NFKB1: variants seen among roughly 807,000 people sequenced by gnomAD.
The protein encoded by NFKB1 is nuclear factor NF-kappa-B p105 subunit.
In NFKB1, 9 loss-of-function variants were observed where a neutral mutation model predicts 105.1. That is an observed-to-expected ratio of 0.09 (90% confidence interval 0.05 to 0.15). The LOEUF (loss-of-function observed/expected upper bound fraction) is 0.15, where lower values mean the gene tolerates loss of function less well. Ranked by LOEUF, NFKB1 falls within the 10% of genes least tolerant of loss-of-function variation. NFKB1 has a pLI of 1.00. For synonymous variants in NFKB1, 440 were observed against 442.2 expected (o/e 1.00, Z 0.06); for missense variants, 830 against 1,203.7 (o/e 0.69, Z 4.59).
At chr4:102,542,726 T>G (rs1159472202) in intron 5 of NFKB1, among the ~76,000 whole-genome samples, 5 of 152,244 alleles carry the variant, frequency 3.3e-5, no homozygotes, top group African/African-American at 1.2e-4. Context: ...TGCCATTGTA[T>G]AGGATGGCTC....
At chr4:102,576,823 A>T (rs950997819) in intron 6 of NFKB1, 53 bp from the exon 7 acceptor site, 7 of 1,550,612 alleles carry the variant, frequency 4.5e-6, no homozygotes, top group Middle Eastern at 1.7e-4. Context: ...CCTAGACATT[A>T]AGTGCCTAAC....
intron 11 of NFKB1, among the ~76,000 whole-genome samples, chr4:102,587,137 G>T (rs1725773797): frequency 6.6e-6 from 1 of 152,138 alleles, no homozygotes; most frequent in Non-Finnish European, 1.5e-5. Flanking sequence ...GGGGTGAAGG[G>T]CCCTGCCAGC....
chr4:102,560,598 G>A (rs949739330), intron 5 of NFKB1, among the ~76,000 whole-genome samples: 1 of 152,152 alleles, frequency 6.6e-6, no homozygotes, highest in African/African-American at 2.4e-5. Context: ...GCCATTAATA[G>A]TGGGTCAAAG....
intron 7 of NFKB1, 135 bp from the exon 8 acceptor site, chr4:102,578,746 A>G: frequency 1.2e-6 from 1 of 813,452 alleles, no homozygotes. Context: ...ACACTTTATT[A>G]GCAATATGAA....
intron 3 of NFKB1, 134 bp downstream of exon 3, chr4:102,530,048 C>A: frequency 1.6e-6 from 1 of 632,564 alleles, no homozygotes; most frequent in Non-Finnish European, 2.8e-6. Context: ...AAAAACCAAT[C>A]TTTTAACATA....
intron 1 of NFKB1, among the ~76,000 whole-genome samples, chr4:102,509,290 T>C (rs1156564698): frequency 6.6e-6 from 1 of 152,210 alleles, no homozygotes; most frequent in Non-Finnish European, 1.5e-5. Context: ...CCTTAGAAAC[T>C]TTAAAAATAT....
chr4:102,578,042 T>C (rs1350148289), intron 7 of NFKB1: 3 of 962,358 alleles, frequency 3.1e-6, no homozygotes, highest in Non-Finnish European at 3.7e-6. Flanking sequence ...TTTCCCGTTT[T>C]GCCCCTTCAG....
intron 1 of NFKB1, among the ~76,000 whole-genome samples, chr4:102,507,678 T>C (rs1403596529): frequency 6.6e-5 from 10 of 152,230 alleles, no homozygotes; most frequent in Admixed American, 2.0e-4. Flanking sequence ...CTAAAGAAAG[T>C]ATAAGACCTG....
At chr4:102,533,947 G>A in intron 4 of NFKB1, 62 bp downstream of exon 4, 1 of 1,394,814 alleles carries the variant, frequency 7.2e-7, no homozygotes, top group Admixed American at 2.0e-5. Context: ...GAGATCATAA[G>A]CACTGAAGAA....
At position 102,606,588 on chromosome 4, in the gene NFKB1, G is replaced by T. The variant is rs149211506; in HGVS notation, c.1845G>T (p.Leu615Phe). Residue 615 changes from leucine to phenylalanine, a missense_variant, in exon 17 of 24, where the codon TTG becomes TTT. This residue lies in a region of NFKB1 where 418 missense variants were observed against 575.3 expected (regional missense o/e 0.73). Transcript: ENST00000226574. ...CCGACCTGAGCCTTCTGGACCGCTT[G>T]GGTAACTCTGTTTTGCACCTAGCTG... Reference protein sequence around the residue: ...AGADLSLLDRLGNSVLHLAAK... With the variant: ...AGADLSLLDRFGNSVLHLAAK... 3,954 of 1,614,124 alleles carry T rather than the reference G, an allele frequency of 2.4e-3. 7 individuals carry two copies. Among genetic ancestry groups the T allele is most frequent in the Non-Finnish European group, 2.8e-3 (3,272 of 1,180,024 alleles).
At chr4:102,594,296 A>C (rs1726422590) in intron 12 of NFKB1, among the ~76,000 whole-genome samples, 1 of 152,218 alleles carries the variant, frequency 6.6e-6, no homozygotes, top group Non-Finnish European at 1.5e-5. Context: ...CCTGTTTTCT[A>C]TATAAAATGC....
At chr4:102,575,208 A>G (rs1724718156) in intron 6 of NFKB1, among the ~76,000 whole-genome samples, 2 of 152,224 alleles carry the variant, frequency 1.3e-5, no homozygotes, top group African/African-American at 4.8e-5. Flanking sequence ...TCTGCCTTCA[A>G]GGAGCTTATT....
At chr4:102,601,661 G>A (rs1727157441) in intron 16 of NFKB1, among the ~76,000 whole-genome samples, 1 of 152,220 alleles carries the variant, frequency 6.6e-6, no homozygotes, top group South Asian at 2.1e-4. Flanking sequence ...TGGAGACACA[G>A]CGAGGCCCTT....
intron 11 of NFKB1, among the ~76,000 whole-genome samples, chr4:102,590,838 A>G (rs1726109837): frequency 6.6e-6 from 1 of 152,236 alleles, no homozygotes; most frequent in Non-Finnish European, 1.5e-5. Context: ...GATTAAGCTT[A>G]GTGAGGAAGG....
In NFKB1 at chr4:102,512,190, A is replaced by G. The variant is rs184724182; in HGVS notation, c.-8+10402A>G. Among the ~76,000 whole-genome samples, 7 of 152,340 alleles carry G rather than the reference A, an allele frequency of 4.6e-5. No individual in the cohort carries two copies. In the East Asian group the frequency reaches 1.3e-3, roughly 29 times the overall value. ...ATTACTTATGAATGTAAAAGTAAAT[A>G]TTTTGCTTAATACCAAGTAGCCAGG... On this transcript the variant is annotated intron_variant, in intron 1 of 23. Transcript: ENST00000226574.
chr4:102,537,837 G>A, intron 4 of NFKB1, 21 bp from the exon 5 acceptor site: 5 of 1,471,650 alleles, frequency 3.4e-6, no homozygotes, highest in Non-Finnish European at 3.8e-6. Context: ...AACTTAATTG[G>A]CTTAACGTTC....
intron 5 of NFKB1, among the ~76,000 whole-genome samples, chr4:102,540,764 A>G (rs1451761734): frequency 6.6e-6 from 1 of 152,126 alleles, no homozygotes; most frequent in Non-Finnish European, 1.5e-5. Flanking sequence ...GGAGAGAAAG[A>G]AAGAGACAAC....
intron 1 of NFKB1, among the ~76,000 whole-genome samples, chr4:102,510,077 A>G (rs1411660349): frequency 2.0e-5 from 3 of 152,080 alleles, no homozygotes; most frequent in African/African-American, 4.8e-5. Context: ...CCCTCCCTGT[A>G]TGAGAAGTGC....
intron 20 of NFKB1, 67 bp downstream of exon 20, chr4:102,610,766 A>G: frequency 6.4e-7 from 1 of 1,570,768 alleles, no homozygotes; most frequent in South Asian, 1.1e-5. Context: ...ATGTAAGAAC[A>G]GATGGTCTTC....
Sources: gnomAD v4.1 joint callset for allele counts (sites outside exome capture counted in the v4.1 genomes callset) on GRCh38, gnomAD v4.1.1 for gene constraint, gnomAD v4.1.1 regional missense constraint, MANE v1.5 for transcripts, NCBI Gene and HGNC (gene_info 2026-07-23, HGNC 2026-07-21) for gene names.